Variants in CTNNA3 observed in about 807,000 individuals in gnomAD.
The protein encoded by CTNNA3 is catenin alpha-3.
A neutral mutation model predicts 95.7 loss-of-function variants in CTNNA3; 76 were observed. That is an observed-to-expected ratio of 0.79 (90% CI 0.66 to 0.96). CTNNA3 has a LOEUF of 0.96. Among genes scored for constraint, CTNNA3 ranks in the 40% least tolerant of loss-of-function variants. The pLI, the probability that CTNNA3 is intolerant of heterozygous loss-of-function variation, is 0.00. For missense variants in CTNNA3, 1,191 were observed against 1,089.8 expected (o/e 1.09, Z -1.31); for synonymous variants, 431 against 374.4 (o/e 1.15, Z -1.74).
At chr10:66,594,073 T>C (rs2132236563) in intron 10 of CTNNA3, among the ~76,000 whole-genome samples, 1 of 152,216 alleles carries the variant, frequency 6.6e-6, no homozygotes. Context: ...TCTGAAACAA[T>C]ACTGACCAAA....
At chr10:67,141,104 T>G (rs1302731002) in intron 7 of CTNNA3, among the ~76,000 whole-genome samples, 3 of 152,190 alleles carry the variant, frequency 2.0e-5, no homozygotes, top group Admixed American at 2.0e-4. Context: ...TCCCTTGCCG[T>G]CTCAAAGATA....
chr10:66,567,616 C>T (rs1842753181), intron 10 of CTNNA3, among the ~76,000 whole-genome samples: 1 of 151,910 alleles, frequency 6.6e-6, no homozygotes, highest in Non-Finnish European at 1.5e-5. Context: ...AAGTCTCTGT[C>T]TCGGGGAAAA....
intron 7 of CTNNA3, among the ~76,000 whole-genome samples, chr10:67,071,385 T>C (rs1028741254): frequency 6.6e-6 from 1 of 151,726 alleles, no homozygotes; most frequent in African/African-American, 2.4e-5. Context: ...AATAGATATA[T>C]TTGTATTAGT....
intron 1 of CTNNA3, among the ~76,000 whole-genome samples, chr10:67,674,240 G>A (rs1197637311): frequency 1.3e-5 from 2 of 152,036 alleles, no homozygotes; most frequent in African/African-American, 2.4e-5. Context: ...CTTCTAAGAA[G>A]AGGAAATTAG....
intron 9 of CTNNA3, among the ~76,000 whole-genome samples, chr10:66,685,960 T>C (rs1157051745): frequency 1.3e-5 from 2 of 152,184 alleles, no homozygotes; most frequent in African/African-American, 2.4e-5. Context: ...ATTTTCATAG[T>C]TTTATAAGAC....
intron 5 of CTNNA3, among the ~76,000 whole-genome samples, chr10:67,230,286 T>C (rs1436969793): frequency 6.6e-6 from 1 of 152,186 alleles, no homozygotes; most frequent in Non-Finnish European, 1.5e-5. Flanking sequence ...AGAATGAAAC[T>C]GAATCCTCAT....
chr10:66,838,215 T>G lies in CTNNA3; in HGVS notation c.1048-62691A>C, dbSNP rs190071778. Among the ~76,000 whole-genome samples, 292 of 152,184 alleles carry G rather than the reference T, an allele frequency of 1.9e-3. 1 individual carries two copies. The highest frequency in any genetic ancestry group is 6.6e-3 in the African/African-American group (274 of 41,544). On this transcript the variant is annotated intron_variant, in intron 7 of 17. Transcript: ENST00000433211. ...AGACTAGGGAGAGGGAGTGAGACCA[T>G]TAATCAATTACAGAGGAGCACTCAC...
chr10:67,398,804 T>A (rs1385292642), intron 5 of CTNNA3, among the ~76,000 whole-genome samples: 1 of 152,186 alleles, frequency 6.6e-6, no homozygotes, highest in Non-Finnish European at 1.5e-5. Flanking sequence ...TGAGATCTGA[T>A]GGTTTTATAA....
At chr10:66,172,802 A>C (rs370634960) in intron 13 of CTNNA3, among the ~76,000 whole-genome samples, 1 of 152,160 alleles carries the variant, frequency 6.6e-6, no homozygotes, top group East Asian at 1.9e-4. Flanking sequence ...AGCTACAAAA[A>C]ATTTCATCAT....
chr10:66,496,409 T>C (rs1176247203), intron 11 of CTNNA3, among the ~76,000 whole-genome samples: 4 of 152,210 alleles, frequency 2.6e-5, no homozygotes, highest in Non-Finnish European at 4.4e-5. Flanking sequence ...TTAAATGCTA[T>C]AATCACTATC....
intron 10 of CTNNA3, among the ~76,000 whole-genome samples, chr10:66,525,354 A>G (rs1224417348): frequency 1.3e-5 from 2 of 152,154 alleles, no homozygotes; most frequent in African/African-American, 4.8e-5. Flanking sequence ...AACACTTTCT[A>G]CATATTCACC....
At chr10:66,837,305 CTAAT>C (rs1478871164) in intron 7 of CTNNA3, among the ~76,000 whole-genome samples, 1 of 152,106 alleles carries the variant, frequency 6.6e-6, no homozygotes, top group African/African-American at 2.4e-5. Flanking sequence ...TCTCTACATA[CTAAT>C]TAAAGTAGTT....
At chr10:67,442,633 A>T (rs1846564626) in intron 5 of CTNNA3, among the ~76,000 whole-genome samples, 1 of 152,152 alleles carries the variant, frequency 6.6e-6, no homozygotes, top group Non-Finnish European at 1.5e-5. Flanking sequence ...ATTATAAAGG[A>T]TCAATTCAGC....
At chr10:66,529,547 C>A (rs147799652) in intron 10 of CTNNA3, among the ~76,000 whole-genome samples, 55 of 150,598 alleles carry the variant, frequency 3.7e-4, no homozygotes, top group Non-Finnish European at 5.8e-4. Context: ...AAAATGACTT[C>A]TTTCCCTTCA....
At chr10:67,516,650 A>G (rs778990217) in intron 5 of CTNNA3, among the ~76,000 whole-genome samples, 1 of 152,216 alleles carries the variant, frequency 6.6e-6, no homozygotes, top group Non-Finnish European at 1.5e-5. Flanking sequence ...TGTAATGACT[A>G]CCACCATTAA....
intron 7 of CTNNA3, among the ~76,000 whole-genome samples, chr10:67,033,242 C>G (rs1853841315): frequency 6.6e-6 from 1 of 152,178 alleles, no homozygotes; most frequent in South Asian, 2.1e-4. Flanking sequence ...GGCTTTCTCT[C>G]TGAGGCAAAG....
intron 15 of CTNNA3, among the ~76,000 whole-genome samples, chr10:66,065,736 T>C (rs1366367346): frequency 6.6e-6 from 1 of 152,146 alleles, no homozygotes; most frequent in East Asian, 1.9e-4. Flanking sequence ...TACCCTTCAT[T>C]GTTGTCCCTT....
chr10:67,276,054 G>T (rs945645360), intron 5 of CTNNA3, among the ~76,000 whole-genome samples: 1 of 152,104 alleles, frequency 6.6e-6, no homozygotes, highest in African/African-American at 2.4e-5. Flanking sequence ...AAAATGTTCA[G>T]ATAATACTAA....
intron 7 of CTNNA3, among the ~76,000 whole-genome samples, chr10:66,886,782 T>C (rs367704583): frequency 1.9e-4 from 29 of 152,174 alleles, no homozygotes; most frequent in East Asian, 1.5e-3. Flanking sequence ...CATTTCATTG[T>C]TATTACGTCA....
Sources: allele counts gnomAD v4.1 joint callset (sites outside exome capture counted in the v4.1 genomes callset), GRCh38; gene constraint gnomAD v4.1.1; transcripts MANE v1.5; gene names NCBI Gene and HGNC (gene_info 2026-07-23, HGNC 2026-07-21).